RAG1: variants seen among roughly 807,000 people sequenced by gnomAD.
RAG1 encodes recombination activating 1.
A neutral mutation model predicts 62.7 loss-of-function variants in RAG1; 35 were observed. The observed-to-expected ratio is 0.56, with a 90% confidence interval of 0.43 to 0.74. The LOEUF (loss-of-function observed/expected upper bound fraction) is 0.74. RAG1 is among the 30% of genes least tolerant of loss of function. The probability of loss-of-function intolerance (pLI) is 0.00; values close to 1 mark genes in which losing one functional copy is unlikely to be tolerated. For synonymous variants in RAG1, 461 were observed against 470.3 expected (o/e 0.98, Z 0.26); for missense variants, 1,169 against 1,278.6 (o/e 0.91, Z 1.31).
chr11:36,519,576 C>A (rs1860046660), intron 1 of RAG1, among the ~76,000 whole-genome samples: 1 of 152,146 alleles, frequency 6.6e-6, no homozygotes, highest in South Asian at 2.1e-4. Flanking sequence ...TGCCAATGAA[C>A]TTTTTTTGCA....
chr11:36,572,816 C>T (rs974599736), intron 1 of RAG1, among the ~76,000 whole-genome samples: 1 of 152,122 alleles, frequency 6.6e-6, no homozygotes, highest in African/African-American at 2.4e-5. Context: ...AACAACCAAC[C>T]CCCTGGAAGA....
At chr11:36,560,035 G>C (rs1189776715) in intron 3 of RAG1, among the ~76,000 whole-genome samples, 1 of 152,192 alleles carries the variant, frequency 6.6e-6, no homozygotes, top group Non-Finnish European at 1.5e-5. Context: ...TTTCGTGTGA[G>C]TCTGTCCTAT....
At chr11:36,565,331 T>C (rs955660904), upstream of RAG1, among the ~76,000 whole-genome samples, 1 of 152,174 alleles carries the variant, frequency 6.6e-6, no homozygotes, top group Admixed American at 6.5e-5. Flanking sequence ...AAAAGGGCCT[T>C]TGGGAGCCAA....
intron 3 of RAG1, among the ~76,000 whole-genome samples, chr11:36,548,273 A>C (rs1850428795): frequency 2.0e-5 from 3 of 152,240 alleles, no homozygotes; most frequent in African/African-American, 7.2e-5. Flanking sequence ...AGTTCTGGCC[A>C]AGGCAATCAG....
At chr11:36,557,664 A>G (rs1171482960) in intron 3 of RAG1, among the ~76,000 whole-genome samples, 1 of 146,394 alleles carries the variant, frequency 6.8e-6, no homozygotes, top group Non-Finnish European at 1.5e-5. Flanking sequence ...AAAGAGTTCA[A>G]ATGCAGTCAC....
At position 36,574,317 on chromosome 11, in the gene RAG1, C is replaced by A; in HGVS notation, c.1013C>A (p.Thr338Asn). The change falls in exon 2 of 2, where the codon ACT becomes AAT. Residue 338 changes from threonine to asparagine, a missense_variant. By Grantham distance (65) the Thr-to-Asn change is moderately conservative. Coordinates refer to ENST00000299440, the MANE Select transcript of RAG1 (RefSeq NM_000448.3). ...CPSCRYPCFP[T>N]DLESPVKSFL... ...TCTTGCCGATATCCATGCTTCCCTA[C>A]TGACCTGGAGAGTCCAGTGAAGTCC... The A allele has an allele frequency of 6.2e-7, 1 of 1,614,244 alleles. No individual in the cohort carries two copies. Among genetic ancestry groups the A allele is most frequent in the Non-Finnish European group, 8.5e-7 (1 of 1,180,048 alleles).
At chr11:36,533,469 G>T (rs1860284203) in intron 2 of RAG1, among the ~76,000 whole-genome samples, 1 of 152,262 alleles carries the variant, frequency 6.6e-6, no homozygotes, top group Middle Eastern at 3.4e-3. Flanking sequence ...ACATTCAGGG[G>T]CATTAATTTT....
At chr11:36,549,985 A>T (rs959003360) in intron 3 of RAG1, among the ~76,000 whole-genome samples, 5 of 152,204 alleles carry the variant, frequency 3.3e-5, no homozygotes, top group Non-Finnish European at 7.3e-5. Context: ...TAAAGCTGGA[A>T]ACCATCATTC....
At chr11:36,544,530 G>A (rs377451624) in intron 3 of RAG1, among the ~76,000 whole-genome samples, 16 of 152,198 alleles carry the variant, frequency 1.1e-4, no homozygotes, top group African/African-American at 3.4e-4. Context: ...GATATCTGAT[G>A]CATATATAAG....
chr11:36,577,781 C>T lies in RAG1; in HGVS notation c.*1345C>T, dbSNP rs1441386006. On this transcript the variant is annotated 3_prime_UTR_variant, in exon 2 of 2. Coordinates refer to ENST00000299440, the MANE Select transcript of RAG1 (RefSeq NM_000448.3). ...TCTCCAAAGCCCTTCTTCTTTCCAC[C>T]ACAAATTAATCACTATGTTTATAAG... 6.0e-6 allele frequency: 1 copy of T among 167,038 alleles called. No individual in the cohort carries two copies. The highest frequency in any genetic ancestry group is 1.5e-5 in the Non-Finnish European group (1 of 68,118). The allele number at this position is 167,038 out of a possible 1,614,324, so 10.3% of individuals were successfully genotyped here.
Position 36,575,134 on chromosome 11 carries a change from G to A in RAG1, c.1830G>A (p.Glu610=). The A allele has an allele frequency of 6.2e-7, 1 of 1,614,190 alleles. No homozygotes were observed. The highest frequency in any genetic ancestry group is 1.1e-5 in the South Asian group (1 of 91,084). The part of the protein sequence containing the change: ...ESCDGMGDVS[E]KHGSGPVVPE... ...GTGATGGAATGGGAGACGTGAGTGA[G>A]AAGCATGGGAGTGGGCCTGTAGTTC... The change falls in exon 2 of 2, where the codon GAG becomes GAA. Residue 610 remains glutamate (E), a synonymous_variant. Coordinates refer to ENST00000299440, the MANE Select transcript of RAG1 (RefSeq NM_000448.3). The surrounding 1 kb of genome is among the most constrained non-coding windows in gnomAD (Gnocchi z 4.1).
rs1206654846 is a variant in RAG1, at chr11:36,578,380, G to A, written c.*1944G>A. 2 of 166,252 alleles carry A rather than the reference G, an allele frequency of 1.2e-5. No individual in the cohort carries two copies. The highest frequency in any genetic ancestry group is 2.9e-5 in the Non-Finnish European group (2 of 68,054). The allele number at this position is 166,252 out of a possible 1,614,324, so 10.3% of individuals were successfully genotyped here. On this transcript the variant is annotated 3_prime_UTR_variant, in exon 2 of 2. Coordinates refer to ENST00000299440, the MANE Select transcript of RAG1 (RefSeq NM_000448.3). ...AGTTTTTTTGAAAACTCTTGGTTTT[G>A]TTTTTTTGGAAATGAGTGGGCCACT...
chr11:36,518,824 T>C (rs1860034603), intron 1 of RAG1, among the ~76,000 whole-genome samples: 1 of 152,234 alleles, frequency 6.6e-6, no homozygotes, highest in Non-Finnish European at 1.5e-5. Context: ...TTTCTTTTGC[T>C]GTGCAGAAGC....
intron 2 of RAG1, among the ~76,000 whole-genome samples, chr11:36,521,841 G>A (rs919614029): frequency 6.6e-6 from 1 of 152,190 alleles, no homozygotes; most frequent in African/African-American, 2.4e-5. Context: ...CTGGAGAAAA[G>A]GTGCCTCTTG....
intron 1 of RAG1, among the ~76,000 whole-genome samples, chr11:36,512,722 C>T (rs1400553862): frequency 1.3e-5 from 2 of 152,136 alleles, no homozygotes; most frequent in East Asian, 3.8e-4. Flanking sequence ...ATATAGCAAC[C>T]ACAATGATCA....
intron 3 of RAG1, among the ~76,000 whole-genome samples, chr11:36,560,076 G>T (rs112109266): frequency 1.1e-3 from 163 of 152,136 alleles, no homozygotes; most frequent in African/African-American, 3.8e-3. Flanking sequence ...GTTTGGATTT[G>T]GTTACCGGTG....
At position 36,573,959 on chromosome 11, in the gene RAG1, CG is replaced by C. The variant is rs1850791903; in HGVS notation, c.659del (p.Gly220AspfsTer44). On this transcript the variant is annotated frameshift_variant, in exon 2 of 2. Transcript: ENST00000299440. LOFTEE classifies it high-confidence loss of function. ...CTGTGACATCTGCAACACTGCCCGT[CG>C]GGGACTCAAGAGGAAGAGTCTTCAG... ...PSCDICNTAR[R>X]GLKRKSLQPN... 10 of 1,614,092 alleles carry C rather than the reference CG, an allele frequency of 6.2e-6. No individual in the cohort carries two copies. The highest frequency in any genetic ancestry group is 8.5e-6 in the Non-Finnish European group (10 of 1,180,034).
At chr11:36,538,336 G>C (rs1225283928), downstream of RAG1, among the ~76,000 whole-genome samples, 1 of 152,054 alleles carries the variant, frequency 6.6e-6, no homozygotes, top group Admixed American at 6.5e-5. Flanking sequence ...CCAAATGCTA[G>C]CTGCAGCTCC....
intron 2 of RAG1, among the ~76,000 whole-genome samples, chr11:36,520,920 T>C (rs1193793819): frequency 6.6e-6 from 1 of 151,794 alleles, no homozygotes; most frequent in Non-Finnish European, 1.5e-5. Context: ...TTCATTACAC[T>C]AATTATATGG....
Sources: gnomAD v4.1 joint callset for allele counts (sites outside exome capture counted in the v4.1 genomes callset) on GRCh38, gnomAD v4.1.1 for gene constraint, Gnocchi (gnomAD v3.1) non-coding constraint, MANE v1.5 for transcripts, NCBI Gene and HGNC (gene_info 2026-07-23, HGNC 2026-07-21) for gene names.